Variants in PDZRN4 observed in about 807,000 individuals in gnomAD.
The protein encoded by PDZRN4 is PDZ domain-containing RING finger protein 4.
Under a neutral mutation model 99.0 loss-of-function variants are expected in PDZRN4, and 70 were observed. The observed-to-expected ratio is 0.71, with a 90% CI of 0.58 to 0.86. The LOEUF (loss-of-function observed/expected upper bound fraction) is 0.86. Among genes scored for constraint, PDZRN4 ranks in the 40% least tolerant of loss-of-function variants. PDZRN4 has a pLI of 0.00. For synonymous variants in PDZRN4, 551 were observed against 501.6 expected, an observed-to-expected ratio of 1.10 and a Z score of -1.32; for missense variants, 1,474 against 1,331.2, an observed-to-expected ratio of 1.11 and a Z score of -1.67.
chr12:41,542,236 C>A (rs2733284), intron 5 of PDZRN4, among the ~76,000 whole-genome samples: 86,912 of 152,106 alleles, frequency 0.57, 26,571 homozygotes, highest in African/African-American at 0.81. Context: ...GAGATGCAAT[C>A]AAGACCGCGG....
intron 3 of PDZRN4, among the ~76,000 whole-genome samples, chr12:41,214,358 G>C (rs1950906830): frequency 7.2e-6 from 1 of 138,510 alleles, no homozygotes; most frequent in Non-Finnish European, 1.5e-5. Flanking sequence ...GAGCTCAGGA[G>C]TTTGAGGCTG....
chr12:41,233,962 CAAAG>C (rs1951048258), intron 3 of PDZRN4, among the ~76,000 whole-genome samples: 1 of 150,888 alleles, frequency 6.6e-6, no homozygotes. Context: ...AAAAAAAAAA[CAAAG>C]AAATCTGTTT....
chr12:41,275,369 A>C (rs1431848337), intron 3 of PDZRN4, among the ~76,000 whole-genome samples: 4 of 152,138 alleles, frequency 2.6e-5, no homozygotes, highest in Non-Finnish European at 5.9e-5. Context: ...ACTTGAACTA[A>C]CCCACTAGAA....
At chr12:41,459,825 G>A (rs1280794964) in intron 3 of PDZRN4, 1 of 586,198 alleles carries the variant, frequency 1.7e-6, no homozygotes, top group African/African-American at 2.0e-5. Flanking sequence ...CCTGCATCAT[G>A]TACATTCAGG....
intron 3 of PDZRN4, among the ~76,000 whole-genome samples, chr12:41,355,851 TG>T (rs1565560792): frequency 6.6e-6 from 1 of 152,032 alleles, no homozygotes; most frequent in Non-Finnish European, 1.5e-5. Context: ...AGTGGTTTTT[TG>T]GTGCTTGACA....
chr12:41,550,086 G>T (rs1240357785), intron 5 of PDZRN4, among the ~76,000 whole-genome samples: 2 of 152,138 alleles, frequency 1.3e-5, no homozygotes, highest in Non-Finnish European at 2.9e-5. Flanking sequence ...TAGGCAGATT[G>T]TGCCCTTTTT....
intron 8 of PDZRN4, among the ~76,000 whole-genome samples, chr12:41,567,245 A>C (rs1398816443): frequency 6.6e-6 from 1 of 152,216 alleles, no homozygotes; most frequent in Non-Finnish European, 1.5e-5. Flanking sequence ...CTTCACAGAC[A>C]AAATAAATGT....
Position 41,250,638 on chromosome 12 carries a change from G to C in PDZRN4, c.843+56450G>C, listed in dbSNP as rs536121558. Among the ~76,000 whole-genome samples the C allele has an allele frequency of 1.5e-4, 23 of 152,256 alleles. No homozygotes were observed. In the South Asian group the frequency reaches 4.8e-3, roughly 32 times the overall value. ...GACAGGTTTGTCAAGCTTGGCAAAT[G>C]AAAAGAAGTTTGGAGGAGCCAAATT... On this transcript the variant is annotated intron_variant, in intron 3 of 9. Coordinates refer to ENST00000402685, the MANE Select transcript of PDZRN4 (RefSeq NM_001164595.2).
intron 3 of PDZRN4, among the ~76,000 whole-genome samples, chr12:41,394,837 C>A (rs61924118): frequency 6.0e-5 from 9 of 148,970 alleles, no homozygotes; most frequent in Admixed American, 5.4e-4. Flanking sequence ...AAAGAGAGGG[C>A]GAGAGAGAGA....
At chr12:41,414,590 A>G (rs73276107) in intron 3 of PDZRN4, among the ~76,000 whole-genome samples, 2,760 of 152,216 alleles carry the variant, frequency 0.018, 83 homozygotes, top group African/African-American at 0.061. Context: ...GAAGGAAAAC[A>G]AAGACGGATG....
At chr12:41,524,716 A>G (rs2120723174) in intron 5 of PDZRN4, among the ~76,000 whole-genome samples, 1 of 152,322 alleles carries the variant, frequency 6.6e-6, no homozygotes, top group East Asian at 1.9e-4. Context: ...AGAAGGAAAC[A>G]GCATGATTTC....
rs772153742 is a variant in PDZRN4 at position 41,573,340 on chromosome 12, T to C, written c.2561T>C (p.Met854Thr). 1 of 1,613,280 alleles carries C rather than the reference T, an allele frequency of 6.2e-7. No homozygotes were observed. The highest frequency in any genetic ancestry group is 8.5e-7 in the Non-Finnish European group (1 of 1,180,016). The change falls in exon 10 of 10, where the codon ATG becomes ACG. Residue 854 changes from methionine (M) to threonine (T), a missense_variant. By Grantham distance (81) the Met-to-Thr change is moderately conservative (BLOSUM62 -1). Transcript: ENST00000402685. The part of the protein sequence containing the change: ...PAHARHYQSY[M>T]QLIQQKSAVE... ...CACGCCCGGCATTATCAAAGCTACA[T>C]GCAGTTAATTCAACAGAAATCTGCA...
At chr12:41,540,928 G>A (rs1452238748) in intron 5 of PDZRN4, among the ~76,000 whole-genome samples, 2 of 137,064 alleles carry the variant, frequency 1.5e-5, no homozygotes, top group East Asian at 4.1e-4. Context: ...TGTTGTTGTT[G>A]TTGTTGTTGT....
chr12:41,222,736 G>A (rs553070059), intron 3 of PDZRN4, among the ~76,000 whole-genome samples: 8 of 152,056 alleles, frequency 5.3e-5, no homozygotes, highest in African/African-American at 1.9e-4. Flanking sequence ...TATTGGCCAG[G>A]GTGATCTCGA....
chr12:41,346,121 C>T (rs1461583479), intron 3 of PDZRN4, among the ~76,000 whole-genome samples: 2 of 152,108 alleles, frequency 1.3e-5, no homozygotes, highest in African/African-American at 4.8e-5. Context: ...AGTTTATAAG[C>T]AGATCTTGTG....
chr12:41,358,975 A>G (rs1951947283), intron 3 of PDZRN4, among the ~76,000 whole-genome samples: 1 of 151,938 alleles, frequency 6.6e-6, no homozygotes, highest in African/African-American at 2.4e-5. Flanking sequence ...TTAATGATTA[A>G]AGGTCTGGGA....
intron 3 of PDZRN4, among the ~76,000 whole-genome samples, chr12:41,308,883 C>CCATTATGCAGAATGTGATTTATCA: frequency 6.6e-6 from 1 of 152,170 alleles, no homozygotes; most frequent in African/African-American, 2.4e-5. Flanking sequence ...TCCTAAGAAA[C>CCATTATGCAGAATGTGATTTATCA]CATTATGCAG....
intron 3 of PDZRN4, among the ~76,000 whole-genome samples, chr12:41,376,570 T>C (rs1952082518): frequency 6.6e-6 from 1 of 152,192 alleles, no homozygotes; most frequent in Non-Finnish European, 1.5e-5. Context: ...GTTTCTTTAA[T>C]TGGATTATTT....
At chr12:41,459,995 T>C (rs1041277532) in intron 3 of PDZRN4, 2 of 1,288,108 alleles carry the variant, frequency 1.6e-6, no homozygotes, top group Non-Finnish European at 2.0e-6. Flanking sequence ...ATTGAGAAAT[T>C]GCCAGTGTTC....
Sources: allele counts gnomAD v4.1 joint callset (sites outside exome capture counted in the v4.1 genomes callset), GRCh38; gene constraint gnomAD v4.1.1; transcripts MANE v1.5; gene names NCBI Gene and HGNC (gene_info 2026-07-23, HGNC 2026-07-21).